Variants in BBX observed in about 807,000 individuals in gnomAD.
BBX encodes the protein HMG box transcription factor BBX.
A neutral mutation model predicts 100.2 loss-of-function variants in BBX; 30 were observed. The ratio of observed to expected loss-of-function variants is 0.30; its 90% CI spans 0.22 to 0.41. The LOEUF is 0.41. Ranked by LOEUF, BBX falls within the 10% of genes least tolerant of loss-of-function variation. BBX has a pLI of 1.00. For synonymous variants in BBX, 376 were observed against 388.1 expected (o/e 0.97, Z 0.37); for missense variants, 1,023 against 1,129.8 (o/e 0.91, Z 1.35).
intron 2 of BBX, among the ~76,000 whole-genome samples, chr3:107,638,780 T>TACACACACACACAC (rs61081300): frequency 3.0e-4 from 30 of 99,882 alleles, no homozygotes; most frequent in Non-Finnish European, 3.9e-4. Context: ...AAAAAAAGTA[T>TACACACACACACAC]ACACACACAC....
intron 3 of BBX, among the ~76,000 whole-genome samples, chr3:107,700,873 C>G (rs1576407585): frequency 2.6e-5 from 4 of 151,756 alleles, no homozygotes; most frequent in African/African-American, 9.7e-5. Context: ...CAAGTCTTTG[C>G]TATTGTGAAT....
At chr3:107,673,212 T>C (rs2059112732) in intron 3 of BBX, among the ~76,000 whole-genome samples, 2 of 152,014 alleles carry the variant, frequency 1.3e-5, no homozygotes, top group African/African-American at 4.8e-5. Flanking sequence ...CTTTTGATAA[T>C]AAAGAAAAGA....
intron 3 of BBX, among the ~76,000 whole-genome samples, chr3:107,687,126 C>T (rs1461146368): frequency 6.6e-6 from 1 of 152,012 alleles, no homozygotes; most frequent in Admixed American, 6.6e-5. Context: ...TAAGAAAGCA[C>T]ATCAGAAATG....
At chr3:107,724,698 G>T (rs1486152270) in intron 5 of BBX, among the ~76,000 whole-genome samples, 2 of 152,100 alleles carry the variant, frequency 1.3e-5, no homozygotes, top group African/African-American at 4.8e-5. Flanking sequence ...TCTCAGGTTT[G>T]TCAAAGATCA....
chr3:107,670,458 T>G (rs1466916330), intron 3 of BBX, among the ~76,000 whole-genome samples: 2 of 152,106 alleles, frequency 1.3e-5, no homozygotes, highest in Non-Finnish European at 2.9e-5. Flanking sequence ...GATAAATGTT[T>G]AGGACAATGG....
intron 4 of BBX, among the ~76,000 whole-genome samples, chr3:107,712,658 G>T (rs1365806164): frequency 6.6e-6 from 1 of 152,034 alleles, no homozygotes; most frequent in East Asian, 1.9e-4. Context: ...AGAGATTATT[G>T]TATCTACCTC....
At chr3:107,625,395 A>C (rs1409841320) in intron 2 of BBX, among the ~76,000 whole-genome samples, 3 of 152,170 alleles carry the variant, frequency 2.0e-5, no homozygotes, top group Non-Finnish European at 4.4e-5. Context: ...CTCTTGCCTC[A>C]GCCACCTGAG....
intron 4 of BBX, among the ~76,000 whole-genome samples, chr3:107,714,503 T>C (rs1373304342): frequency 6.6e-6 from 1 of 152,252 alleles, no homozygotes; most frequent in Admixed American, 6.5e-5. Flanking sequence ...TACTCTTTTC[T>C]GAAGGGGAAA....
chr3:107,785,933 G>T (rs1442897763), intron 13 of BBX, among the ~76,000 whole-genome samples: 1 of 151,856 alleles, frequency 6.6e-6, no homozygotes, highest in Non-Finnish European at 1.5e-5. Flanking sequence ...AAAATCCTAA[G>T]GAATCCACCA....
At chr3:107,717,687 C>A (rs58485349) in intron 5 of BBX, among the ~76,000 whole-genome samples, 1 of 151,806 alleles carries the variant, frequency 6.6e-6, no homozygotes, top group Non-Finnish European at 1.5e-5. Flanking sequence ...AGAATGATAG[C>A]AGTTACTAAA....
At chr3:107,537,313 T>C (rs976154583) in intron 2 of BBX, among the ~76,000 whole-genome samples, 1 of 152,190 alleles carries the variant, frequency 6.6e-6, no homozygotes, top group African/African-American at 2.4e-5. Flanking sequence ...ATTCTACATA[T>C]ACCAAATAAT....
At chr3:107,551,692 A>G (rs2049696043) in intron 2 of BBX, among the ~76,000 whole-genome samples, 1 of 152,198 alleles carries the variant, frequency 6.6e-6, no homozygotes, top group Non-Finnish European at 1.5e-5. Flanking sequence ...TGTGCCAGAC[A>G]CTTTATTTCA....
chr3:107,580,909 G>A (rs2052231286), intron 2 of BBX, among the ~76,000 whole-genome samples: 1 of 152,226 alleles, frequency 6.6e-6, no homozygotes, highest in Non-Finnish European at 1.5e-5. Flanking sequence ...GGCATTGTAG[G>A]CGTGAGCCGT....
chr3:107,747,496 C>G (rs1176393326), intron 8 of BBX, among the ~76,000 whole-genome samples: 1 of 152,114 alleles, frequency 6.6e-6, no homozygotes, highest in African/African-American at 2.4e-5. Context: ...AGCTGAGATT[C>G]AGTCTCCCAG....
chr3:107,720,996 T>C, intron 5 of BBX, among the ~76,000 whole-genome samples: 1 of 152,106 alleles, frequency 6.6e-6, no homozygotes, highest in East Asian at 1.9e-4. Flanking sequence ...ATTTGTATTC[T>C]TGCAAGCATG....
intron 10 of BBX, among the ~76,000 whole-genome samples, chr3:107,769,302 G>A (rs762581265): frequency 3.8e-4 from 58 of 152,052 alleles, no homozygotes; most frequent in Non-Finnish European, 6.8e-4. Flanking sequence ...CCCAAGCTTT[G>A]TAAAGCTTTG....
At chr3:107,608,831 A>C (rs2054628499) in intron 2 of BBX, among the ~76,000 whole-genome samples, 1 of 152,098 alleles carries the variant, frequency 6.6e-6, no homozygotes, top group Non-Finnish European at 1.5e-5. Flanking sequence ...AGCTATTATA[A>C]ATTGGATTAC....
chr3:107,628,413 A>T (rs1006083712), intron 2 of BBX, among the ~76,000 whole-genome samples: 1 of 152,008 alleles, frequency 6.6e-6, no homozygotes, highest in Non-Finnish European at 1.5e-5. Flanking sequence ...CCCAATTTTT[A>T]AAATAAAATA....
chr3:107,705,860 A>G (rs766943814), intron 3 of BBX, among the ~76,000 whole-genome samples: 3 of 152,254 alleles, frequency 2.0e-5, no homozygotes, highest in Middle Eastern at 3.4e-3. Flanking sequence ...TGGTAGAGGC[A>G]GGATTCTAAA....
Sources: gnomAD v4.1 joint callset for allele counts (sites outside exome capture counted in the v4.1 genomes callset) on GRCh38, gnomAD v4.1.1 for gene constraint, MANE v1.5 for transcripts, NCBI Gene and HGNC (gene_info 2026-07-23, HGNC 2026-07-21) for gene names.